CDC5L: variants seen among roughly 807,000 people sequenced by gnomAD.
CDC5L encodes the protein cell division cycle 5-like protein.
A neutral mutation model predicts 104.1 loss-of-function variants in CDC5L; 18 were observed. The observed-to-expected ratio is 0.17, with a 90% confidence interval of 0.12 to 0.26. The LOEUF (loss-of-function observed/expected upper bound fraction) is 0.26, where lower values mean the gene tolerates loss of function less well. Among genes scored for constraint, CDC5L ranks in the 10% least tolerant of loss-of-function variants. The pLI is 1.00. For synonymous variants in CDC5L, 331 were observed against 322.7 expected, an observed-to-expected ratio of 1.03 and a Z score of -0.28; for missense variants, 673 against 956.9, an observed-to-expected ratio of 0.70 and a Z score of 3.91.
rs760843359 is a variant in CDC5L, at chr6:44,424,601, A to G, written c.1569+18A>G. 10 of 1,612,596 alleles carry G rather than the reference A, an allele frequency of 6.2e-6. No homozygotes were observed. The African/African-American group carries it at 1.2e-4, about 19-fold the overall frequency. On this transcript the variant is annotated intron_variant, in intron 11 of 15. Coordinates refer to ENST00000371477, the MANE Select transcript of CDC5L (RefSeq NM_001253.4). The stretch of plus-strand genomic sequence containing the variant: ...GAAAGCAGGTGGGTAACTGTACTGA[A>G]AGAAGCGTGAGTTTGGCTGAATGTG...
At position 44,406,310 on chromosome 6, in the gene CDC5L, T is replaced by G; in HGVS notation, c.759-13T>G. 1 of 1,579,190 alleles carries G rather than the reference T, an allele frequency of 6.3e-7. No individual in the cohort carries two copies. Among genetic ancestry groups the G allele is most frequent in the Non-Finnish European group, 8.6e-7 (1 of 1,162,562 alleles). ...TAACTTAAAAATCTCTTTTCTACTT[T>G]GATCCATGACAGTGAAAAAGAAGGA... On this transcript the variant is annotated splice_polypyrimidine_tract_variant and intron_variant, in intron 6 of 15. Coordinates refer to ENST00000371477, the MANE Select transcript of CDC5L (RefSeq NM_001253.4).
chr6:44,388,039 GC>G (rs1324882942), intron 1 of CDC5L, among the ~76,000 whole-genome samples, 171 bp downstream of exon 1: 1 of 152,052 alleles, frequency 6.6e-6, no homozygotes, highest in Non-Finnish European at 1.5e-5. Flanking sequence ...TGTTGTGCGA[GC>G]GCCAGTAGGA....
At chr6:44,393,424 A>C (rs754549907) in intron 3 of CDC5L, 22 bp from the exon 4 acceptor site, 5 of 1,609,998 alleles carry the variant, frequency 3.1e-6, no homozygotes, top group Admixed American at 3.4e-5. Context: ...AGTGTGACTA[A>C]CTCCTATGGG....
At chr6:44,439,304 T>A (rs1286721956) in intron 14 of CDC5L, among the ~76,000 whole-genome samples, 1 of 152,226 alleles carries the variant, frequency 6.6e-6, no homozygotes, top group African/African-American at 2.4e-5. Flanking sequence ...TGAATAATGT[T>A]GCTATGAACA....
intron 5 of CDC5L, among the ~76,000 whole-genome samples, chr6:44,397,839 CCT>C (rs1491579134): frequency 6.6e-6 from 1 of 152,216 alleles, no homozygotes; most frequent in African/African-American, 2.4e-5. Flanking sequence ...TTCACTTTCC[CCT>C]TTTTTCCTTT....
At chr6:44,413,437 T>TGC (rs1791749775) in intron 8 of CDC5L, among the ~76,000 whole-genome samples, 1 of 152,232 alleles carries the variant, frequency 6.6e-6, no homozygotes, top group Non-Finnish European at 1.5e-5. Flanking sequence ...CTGTTAGGAA[T>TGC]AATGCTGCTT....
chr6:44,401,629 A>G, intron 5 of CDC5L, among the ~76,000 whole-genome samples: 1 of 151,086 alleles, frequency 6.6e-6, no homozygotes, highest in Admixed American at 6.6e-5. Context: ...AAATATATAT[A>G]TTTTTCTCTT....
At chr6:44,411,686 A>G (rs545635728) in intron 8 of CDC5L, among the ~76,000 whole-genome samples, 2 of 137,194 alleles carry the variant, frequency 1.5e-5, no homozygotes, top group Admixed American at 7.9e-5. Flanking sequence ...GTTTTTTATT[A>G]TCACTCTTTT....
At chr6:44,408,267 G>GTTT (rs375757131) in intron 7 of CDC5L, among the ~76,000 whole-genome samples, 177 bp from the exon 8 acceptor site, 3 of 138,340 alleles carry the variant, frequency 2.2e-5, no homozygotes, top group Non-Finnish European at 3.2e-5. Context: ...TAAAATGTTG[G>GTTT]TTTTTTTTTT....
Position 44,446,927 on chromosome 6 carries a change from CT to C in CDC5L, c.*220del. On this transcript the variant is annotated 3_prime_UTR_variant, in exon 16 of 16. Coordinates refer to ENST00000371477, the MANE Select transcript of CDC5L (RefSeq NM_001253.4). ...AGTTTAAATTATTAAGGCTATCATT[CT>C]TTTAGTAATGTCATATTTGCAAACT... 3.0e-6 allele frequency: 1 copy of C among 335,512 alleles called. No individual in the cohort carries two copies. The highest frequency in any genetic ancestry group is 5.4e-6 in the Non-Finnish European group (1 of 186,584). 20.8% of individuals were successfully genotyped at this position (335,512 alleles called of 1,614,324 possible). A position where few individuals can be genotyped will look rare whatever the true frequency, so the allele number is the denominator to read the frequency against.
intron 13 of CDC5L, among the ~76,000 whole-genome samples, chr6:44,429,255 C>T (rs1196778717): frequency 6.6e-6 from 1 of 152,022 alleles, no homozygotes; most frequent in African/African-American, 2.4e-5. Flanking sequence ...CTCCTGGCCT[C>T]GTTATCCGCC....
intron 14 of CDC5L, among the ~76,000 whole-genome samples, chr6:44,444,297 T>C (rs1462346446): frequency 1.3e-5 from 2 of 152,238 alleles, no homozygotes; most frequent in Non-Finnish European, 2.9e-5. Context: ...TTGTAGTATG[T>C]CCACCTCTGT....
chr6:44,436,986 GCA>G (rs1244891357), intron 14 of CDC5L, among the ~76,000 whole-genome samples: 2 of 152,286 alleles, frequency 1.3e-5, no homozygotes, highest in East Asian at 3.8e-4. Flanking sequence ...CATATTTAAA[GCA>G]CAGTGTGGTG....
rs200957100 is a variant in CDC5L at position 44,390,882 on chromosome 6, ATATAT to A, written c.149+517_149+521del. 7.8e-3 allele frequency among the ~76,000 whole-genome samples: 1,146 copies of A among 147,514 alleles called. 18 individuals carry two copies. The highest frequency in any genetic ancestry group is 0.027 in the African/African-American group (1,095 of 40,576). ...TTATATATTTTATAGTTAATATGTT[ATATAT>A]TATATATTAAACATACTTAATGTTA... On this transcript the variant is annotated intron_variant, in intron 2 of 15. Transcript: ENST00000371477.
At chr6:44,406,496 A>C (rs764150630) in intron 7 of CDC5L, 29 bp downstream of exon 7, 1 of 1,578,822 alleles carries the variant, frequency 6.3e-7, no homozygotes. Flanking sequence ...ATTTTTCACT[A>C]TGTGAATTTA....
chr6:44,392,963 T>C (rs1790684755), intron 3 of CDC5L, 135 bp downstream of exon 3: 1 of 646,954 alleles, frequency 1.5e-6, no homozygotes, highest in African/African-American at 1.8e-5. Flanking sequence ...CATTGGATAA[T>C]ATTTTCCATA....
intron 6 of CDC5L, among the ~76,000 whole-genome samples, chr6:44,405,314 C>T (rs1355892816): frequency 6.6e-6 from 1 of 152,154 alleles, no homozygotes; most frequent in Non-Finnish European, 1.5e-5. Flanking sequence ...CTTAGATGTA[C>T]TCCATTGTAT....
At position 44,426,492 on chromosome 6, in the gene CDC5L, C is replaced by T; in HGVS notation, c.1661C>T (p.Thr554Ile). 6.7e-7 allele frequency: 1 copy of T among 1,490,202 alleles called. No homozygotes were observed. Among genetic ancestry groups the T allele is most frequent in the Admixed American group, 1.8e-5 (1 of 56,234 alleles). 92.3% of individuals were successfully genotyped at this position (1,490,202 alleles called of 1,614,324 possible). A position where few individuals can be genotyped will look rare whatever the true frequency, so the allele number is the denominator to read the frequency against. ...GTTTTAAAATTTTAGGTAAATGAAA[C>T]TATTCTAAGACCCTTAAATGTAGAA... ...DLPRPSEVNE[T>I]ILRPLNVEPP... Residue 554 changes from threonine (T) to isoleucine (I), a missense_variant, in exon 13 of 16, where the codon ACT becomes ATT. This residue lies in a region of CDC5L where 578 missense variants were observed against 737.0 expected (regional missense o/e 0.78). Transcript: ENST00000371477.
At chr6:44,444,998 T>C (rs772315628) in intron 14 of CDC5L, among the ~76,000 whole-genome samples, 23 of 152,200 alleles carry the variant, frequency 1.5e-4, no homozygotes, top group Non-Finnish European at 2.8e-4. Context: ...AGCCAGGCTG[T>C]CGAGTAGCCA....
Sources: gnomAD v4.1 joint callset for allele counts (sites outside exome capture counted in the v4.1 genomes callset) on GRCh38, gnomAD v4.1.1 for gene constraint, gnomAD v4.1.1 regional missense constraint, MANE v1.5 for transcripts, NCBI Gene and HGNC (gene_info 2026-07-23, HGNC 2026-07-21) for gene names.